The following GRID1 variants were observed in gnomAD, a reference collection of about 807,000 sequenced individuals.
GRID1 encodes glutamate receptor ionotropic, delta-1.
In GRID1, 28 loss-of-function variants were observed where a neutral mutation model predicts 98.0. That is an observed-to-expected ratio of 0.29 (90% CI 0.21 to 0.39). The LOEUF (loss-of-function observed/expected upper bound fraction) is 0.39. GRID1 is among the 10% of genes least tolerant of loss of function. The probability of loss-of-function intolerance (pLI) is 1.00; values close to 1 mark genes in which losing one functional copy is unlikely to be tolerated. For missense variants in GRID1, 1,111 were observed against 1,340.5 expected, an observed-to-expected ratio of 0.83 and a Z score of 2.67; for synonymous variants, 553 against 538.5, an observed-to-expected ratio of 1.03 and a Z score of -0.37.
At chr10:85,623,179 G>A (rs1301092694) in intron 13 of GRID1, among the ~76,000 whole-genome samples, 2 of 152,084 alleles carry the variant, frequency 1.3e-5, no homozygotes, top group Admixed American at 6.5e-5. Context: ...CTTTCTTTGG[G>A]TCCCCAAATT....
intron 4 of GRID1, among the ~76,000 whole-genome samples, chr10:86,117,257 C>G (rs911269571): frequency 1.7e-4 from 25 of 151,504 alleles, no homozygotes; most frequent in African/African-American, 6.1e-4. Flanking sequence ...CTACCACTAT[C>G]ACCACCACCA....
intron 3 of GRID1, among the ~76,000 whole-genome samples, chr10:86,183,455 A>G (rs1283597709): frequency 6.6e-6 from 1 of 152,078 alleles, no homozygotes; most frequent in African/African-American, 2.4e-5. Flanking sequence ...TGCCTCCCAG[A>G]TTCAAGCGAT....
At chr10:86,345,171 ATCT>A (rs1156387470) in intron 2 of GRID1, among the ~76,000 whole-genome samples, 5 of 152,200 alleles carry the variant, frequency 3.3e-5, no homozygotes, top group Admixed American at 3.3e-4. Context: ...GACATGAGAC[ATCT>A]TCATCTTCAT....
intron 2 of GRID1, among the ~76,000 whole-genome samples, chr10:86,222,502 G>A (rs956734907): frequency 1.3e-5 from 2 of 152,260 alleles, no homozygotes; most frequent in Admixed American, 1.3e-4. Flanking sequence ...AAGCCCCATA[G>A]AAACCATGCA....
In GRID1 at chr10:85,847,970, G is replaced by A. The variant is rs78140474; in HGVS notation, c.1233+6526C>T. ...CCTTTCTGAAAGAGAGGTTATATAA[G>A]TTTACAATGTGCAAAGAACCTGAGG... is the stretch of plus-strand genomic sequence containing the variant. On this transcript the variant is annotated intron_variant, in intron 8 of 15. Coordinates refer to ENST00000327946, the MANE Select transcript of GRID1 (RefSeq NM_017551.3). Among the ~76,000 whole-genome samples, 171 of 152,194 alleles carry A rather than the reference G, an allele frequency of 1.1e-3. 1 individual carries two copies. The East Asian group carries it at 0.028, about 25-fold the overall frequency.
intron 5 of GRID1, among the ~76,000 whole-genome samples, chr10:85,876,979 C>T (rs1267895161): frequency 6.6e-6 from 1 of 152,230 alleles, no homozygotes; most frequent in Non-Finnish European, 1.5e-5. Flanking sequence ...TCGGAGGGTC[C>T]TACGCCCACG....
At chr10:86,041,692 GT>G (rs530563011) in intron 4 of GRID1, among the ~76,000 whole-genome samples, 5 of 152,298 alleles carry the variant, frequency 3.3e-5, no homozygotes, top group African/African-American at 1.2e-4. Flanking sequence ...TGTAAAATCT[GT>G]TGTGTCACTC....
chr10:85,674,522 T>C (rs1002198907), intron 12 of GRID1, among the ~76,000 whole-genome samples: 4 of 152,212 alleles, frequency 2.6e-5, no homozygotes. Context: ...ATAGATTACA[T>C]TGATTGATCA....
intron 4 of GRID1, among the ~76,000 whole-genome samples, chr10:85,967,006 C>T (rs1842345704): frequency 6.6e-6 from 1 of 152,100 alleles, no homozygotes; most frequent in Non-Finnish European, 1.5e-5. Flanking sequence ...GAGCAGTTTT[C>T]CCCATACTGT....
intron 12 of GRID1, among the ~76,000 whole-genome samples, chr10:85,664,660 A>G (rs1432918083): frequency 2.0e-5 from 3 of 152,186 alleles, no homozygotes; most frequent in Non-Finnish European, 4.4e-5. Context: ...TGGCAGTGGC[A>G]GCAATATTAG....
rs1841977193 is a variant in GRID1 at position 85,744,287 on chromosome 10, A to AT, written c.1234-14674_1234-14673insA. On this transcript the variant is annotated intron_variant, in intron 8 of 15. Transcript: ENST00000327946. ...AGGAGCCTGTTTGGGAATTCAAGCT[A>AT]AAGAAGAGACTGTCAGAAATATTTG... 2.0e-5 allele frequency among the ~76,000 whole-genome samples: 3 copies of AT among 152,190 alleles called. No homozygotes were observed. The South Asian group carries it at 6.2e-4, about 31-fold the overall frequency.
chr10:86,157,538 T>C (rs181906262), intron 3 of GRID1, among the ~76,000 whole-genome samples: 126 of 152,140 alleles, frequency 8.3e-4, no homozygotes, highest in African/African-American at 2.9e-3. Context: ...AATGGAGAAA[T>C]GTAAAGAAGG....
chr10:86,250,953 T>G (rs182530969), intron 2 of GRID1, among the ~76,000 whole-genome samples: 1 of 152,226 alleles, frequency 6.6e-6, no homozygotes, highest in Non-Finnish European at 1.5e-5. Context: ...ATTGTGTCTG[T>G]GTAGAAAGAA....
intron 13 of GRID1, among the ~76,000 whole-genome samples, chr10:85,626,935 C>T (rs1222508713): frequency 2.6e-5 from 4 of 152,028 alleles, no homozygotes; most frequent in African/African-American, 9.7e-5. Context: ...GCGATTCTAC[C>T]CGTGGGATTT....
intron 4 of GRID1, among the ~76,000 whole-genome samples, chr10:85,973,384 A>G (rs1221011255): frequency 6.6e-6 from 1 of 152,130 alleles, no homozygotes; most frequent in Non-Finnish European, 1.5e-5. Context: ...TTTTTTTCCA[A>G]ATAACTAATA....
At chr10:85,722,760 A>G (rs1841717619) in intron 12 of GRID1, among the ~76,000 whole-genome samples, 1 of 152,196 alleles carries the variant, frequency 6.6e-6, no homozygotes, top group Non-Finnish European at 1.5e-5. Context: ...TTGATTTCTT[A>G]GCTTTGTAGC....
intron 4 of GRID1, among the ~76,000 whole-genome samples, chr10:86,009,146 A>C (rs1323865192): frequency 1.3e-5 from 2 of 152,216 alleles, no homozygotes; most frequent in African/African-American, 4.8e-5. Flanking sequence ...AACCGAAAAA[A>C]AAAGTGGACA....
chr10:86,126,194 G>A (rs1247186553), intron 4 of GRID1, among the ~76,000 whole-genome samples: 2 of 152,200 alleles, frequency 1.3e-5, no homozygotes, highest in East Asian at 1.9e-4. Context: ...GGTGGCTCAC[G>A]CCTGTAATCC....
intron 4 of GRID1, among the ~76,000 whole-genome samples, chr10:85,994,007 G>C (rs1842712344): frequency 6.6e-6 from 1 of 152,160 alleles, no homozygotes; most frequent in Admixed American, 6.5e-5. Context: ...CCACGGAGAT[G>C]GACATTGCAA....
Sources: gnomAD v4.1 joint callset for allele counts (sites outside exome capture counted in the v4.1 genomes callset) on GRCh38, gnomAD v4.1.1 for gene constraint, MANE v1.5 for transcripts, NCBI Gene and HGNC (gene_info 2026-07-23, HGNC 2026-07-21) for gene names.